Variants in CAMSAP1 observed in about 807,000 individuals in gnomAD.
CAMSAP1 encodes calmodulin-regulated spectrin-associated protein 1.
A neutral mutation model predicts 143.5 loss-of-function variants in CAMSAP1; 58 were observed. The observed-to-expected ratio is 0.40, with a 90% CI of 0.33 to 0.50. The LOEUF is 0.50. Ranked by LOEUF, CAMSAP1 falls within the 20% of genes least tolerant of loss-of-function variation. The pLI, the probability that CAMSAP1 is intolerant of heterozygous loss-of-function variation, is 0.45. For missense variants in CAMSAP1, 1,969 were observed against 2,115.7 expected, an observed-to-expected ratio of 0.93 and a Z score of 1.36; for synonymous variants, 945 against 859.3, an observed-to-expected ratio of 1.10 and a Z score of -1.74.
At chr9:135,837,054 C>G (rs1034656710) in intron 7 of CAMSAP1, 3 of 664,750 alleles carry the variant, frequency 4.5e-6, no homozygotes, top group Middle Eastern at 7.5e-4. Flanking sequence ...CACACATCAT[C>G]ATGCCCGTTC....
intron 1 of CAMSAP1, among the ~76,000 whole-genome samples, chr9:135,895,735 G>A (rs1838426640): frequency 6.6e-6 from 1 of 152,138 alleles, no homozygotes; most frequent in South Asian, 2.1e-4. Flanking sequence ...CAAGACAGTG[G>A]TATTTAAAAG....
Position 135,818,390 on chromosome 9 carries a change from A to G in CAMSAP1, c.4168+18T>C. 1 of 1,548,622 alleles carries G rather than the reference A, an allele frequency of 6.5e-7. No individual in the cohort carries two copies. Among genetic ancestry groups the G allele is most frequent in the Non-Finnish European group, 8.7e-7 (1 of 1,150,648 alleles). On this transcript the variant is annotated intron_variant, in intron 13 of 16. Transcript: ENST00000389532. The surrounding 1 kb of genome is among the most constrained non-coding windows in gnomAD (Gnocchi z 7.7). Reference sequence around the variant, plus strand: ...CGCGGAAGGAAGCGCTGCCCGCGTGAGGGCCGGGGCTGCTTACGGGTGGAG... The same window carrying G: ...CGCGGAAGGAAGCGCTGCCCGCGTGGGGGCCGGGGCTGCTTACGGGTGGAG...
At chr9:135,839,435 G>A (rs1011243012) in intron 7 of CAMSAP1, among the ~76,000 whole-genome samples, 3 of 152,170 alleles carry the variant, frequency 2.0e-5, no homozygotes, top group African/African-American at 7.2e-5. Context: ...AGTATGCACT[G>A]GGAAAGGGAG....
chr9:135,898,397 C>A (rs1838520403), intron 1 of CAMSAP1, among the ~76,000 whole-genome samples: 1 of 152,272 alleles, frequency 6.6e-6, no homozygotes, highest in South Asian at 2.1e-4. Flanking sequence ...GTAATCCTAG[C>A]ACTTTGGGAG....
intron 7 of CAMSAP1, among the ~76,000 whole-genome samples, chr9:135,831,902 T>C (rs1224610845): frequency 6.6e-6 from 1 of 152,128 alleles, no homozygotes. Flanking sequence ...ACAAAGAAGA[T>C]ATCTAAAGCC....
At chr9:135,814,167 T>G (rs1191876580) in intron 16 of CAMSAP1, among the ~76,000 whole-genome samples, 1 of 152,214 alleles carries the variant, frequency 6.6e-6, no homozygotes, top group East Asian at 1.9e-4. Context: ...CTGTCCCCAG[T>G]GCCACGAGAC....
At position 135,838,733 on chromosome 9, in the gene CAMSAP1, T is replaced by TCAC. The variant is rs1564432264; in HGVS notation, c.1046-11150_1046-11149insGTG. 5.1e-4 allele frequency among the ~76,000 whole-genome samples: 59 copies of TCAC among 116,142 alleles called. 1 individual carries two copies. Among genetic ancestry groups the TCAC allele is most frequent in the African/African-American group, 1.8e-3 (52 of 28,146 alleles). The allele number at this position is 116,142 out of a possible 152,430, so 76.2% of individuals were successfully genotyped here. On this transcript the variant is annotated intron_variant, in intron 7 of 16. Coordinates refer to ENST00000389532, the MANE Select transcript of CAMSAP1 (RefSeq NM_015447.4). ...CCCGTTCTACAGACACACATCATCA[T>TCAC]GCACTTTCCACCTGTTCTACAGACA... is the stretch of plus-strand genomic sequence containing the variant.
At chr9:135,830,053 T>A (rs569738789) in intron 7 of CAMSAP1, among the ~76,000 whole-genome samples, 5 of 151,924 alleles carry the variant, frequency 3.3e-5, no homozygotes, top group South Asian at 2.1e-4. Flanking sequence ...CCCTAGGTAA[T>A]GACTACTGAA....
intron 7 of CAMSAP1, among the ~76,000 whole-genome samples, chr9:135,842,260 A>G (rs1304375677): frequency 6.6e-6 from 1 of 152,218 alleles, no homozygotes; most frequent in African/African-American, 2.4e-5. Context: ...GAGATTGAAG[A>G]TCAACTTAAT....
intron 1 of CAMSAP1, among the ~76,000 whole-genome samples, chr9:135,893,792 G>A (rs1588509900): frequency 6.6e-6 from 1 of 152,180 alleles, no homozygotes; most frequent in Non-Finnish European, 1.5e-5. Flanking sequence ...ACAAAGAGAA[G>A]ATTTTTCAAG....
intron 1 of CAMSAP1, among the ~76,000 whole-genome samples, chr9:135,893,171 AG>A (rs898270358): frequency 2.6e-5 from 4 of 151,914 alleles, no homozygotes; most frequent in African/African-American, 9.7e-5. Flanking sequence ...TCCTGTTGAA[AG>A]AAGAAAAGAA....
intron 1 of CAMSAP1, among the ~76,000 whole-genome samples, chr9:135,886,387 G>A (rs896749331): frequency 2.0e-5 from 3 of 152,220 alleles, no homozygotes; most frequent in South Asian, 2.1e-4. Flanking sequence ...CAGTGGGGCA[G>A]TGGGATGTGC....
intron 14 of CAMSAP1, 26 bp from the exon 15 acceptor site, chr9:135,816,031 AG>A (rs766261153): frequency 1.9e-6 from 3 of 1,604,988 alleles, no homozygotes; most frequent in Non-Finnish European, 2.6e-6. Flanking sequence ...GACAAGAGAC[AG>A]GCAGGTGAAG....
At chr9:135,844,747 C>A (rs1836491824) in intron 7 of CAMSAP1, among the ~76,000 whole-genome samples, 1 of 152,126 alleles carries the variant, frequency 6.6e-6, no homozygotes, top group Non-Finnish European at 1.5e-5. Flanking sequence ...CAACTCAGTG[C>A]AAATAAAACT....
At chr9:135,886,968 G>A (rs868517802) in intron 1 of CAMSAP1, among the ~76,000 whole-genome samples, 1 of 152,216 alleles carries the variant, frequency 6.6e-6, no homozygotes, top group Admixed American at 6.5e-5. Context: ...GGGCAGTCGG[G>A]GACAGGAGAG....
chr9:135,819,419 C>T (rs1835360564), intron 11 of CAMSAP1, among the ~76,000 whole-genome samples: 1 of 152,154 alleles, frequency 6.6e-6, no homozygotes, highest in African/African-American at 2.4e-5. Context: ...AAGAGCGAGG[C>T]TGGGCAGAAT....
intron 1 of CAMSAP1, among the ~76,000 whole-genome samples, chr9:135,894,316 G>C (rs1026301026): frequency 1.5e-4 from 23 of 152,158 alleles, no homozygotes; most frequent in Non-Finnish European, 4.4e-5. Context: ...CTTCCCCACT[G>C]GTCACGGGAC....
intron 11 of CAMSAP1, among the ~76,000 whole-genome samples, chr9:135,819,643 G>T (rs957819175): frequency 4.0e-5 from 6 of 149,696 alleles, no homozygotes; most frequent in Non-Finnish European, 7.4e-5. Flanking sequence ...AGACCAGCCT[G>T]GCCGACATGG....
chr9:135,853,021 C>T (rs1836834359), intron 5 of CAMSAP1, among the ~76,000 whole-genome samples: 3 of 152,196 alleles, frequency 2.0e-5, no homozygotes, highest in African/African-American at 7.2e-5. Context: ...AGTCCAAAGC[C>T]TCTCCCCACA....
Sources: gnomAD v4.1 joint callset for allele counts (sites outside exome capture counted in the v4.1 genomes callset) on GRCh38, gnomAD v4.1.1 for gene constraint, Gnocchi (gnomAD v3.1) non-coding constraint, MANE v1.5 for transcripts, NCBI Gene and HGNC (gene_info 2026-07-23, HGNC 2026-07-21) for gene names.